Variants in SNRNP70 observed in about 807,000 individuals in gnomAD.
The protein encoded by SNRNP70 is small nuclear ribonucleoprotein U1 subunit 70.
SNRNP70 carries 8 observed loss-of-function variants against 50.5 expected under a neutral mutation model. The observed-to-expected ratio is 0.16, with a 90% CI of 0.09 to 0.29. The LOEUF (loss-of-function observed/expected upper bound fraction) is 0.29, where lower values mean the gene tolerates loss of function less well. Ranked by LOEUF, SNRNP70 falls within the 10% of genes least tolerant of loss-of-function variation. The pLI, the probability that SNRNP70 is intolerant of heterozygous loss-of-function variation, is 1.00. For synonymous variants in SNRNP70, 320 were observed against 252.9 expected, an observed-to-expected ratio of 1.27 and a Z score of -2.52; for missense variants, 529 against 663.5, an observed-to-expected ratio of 0.80 and a Z score of 2.23.
At chr19:49,098,867 C>T (rs542699333) in intron 6 of SNRNP70, among the ~76,000 whole-genome samples, 163 bp downstream of exon 6, 1 of 152,240 alleles carries the variant, frequency 6.6e-6, no homozygotes, top group African/African-American at 2.4e-5. Flanking sequence ...CCTTGGGCAG[C>T]AGAAGTAAAA....
At chr19:49,098,356 C>G (rs1021936171) in intron 4 of SNRNP70, 71 bp from the exon 5 acceptor site, 2 of 1,248,088 alleles carry the variant, frequency 1.6e-6, no homozygotes, top group Admixed American at 1.9e-5. Flanking sequence ...TGGCCTCTGC[C>G]CATCGTATTT....
intron 5 of SNRNP70, 43 bp downstream of exon 5, chr19:49,098,534 G>A (rs113251370): frequency 6.3e-7 from 1 of 1,599,652 alleles, no homozygotes; most frequent in Non-Finnish European, 8.6e-7. Flanking sequence ...ACGCTGCTGA[G>A]AGCCTGGGTC....
At chr19:49,087,043 C>T (rs1034271770) in intron 2 of SNRNP70, among the ~76,000 whole-genome samples, 2 of 151,662 alleles carry the variant, frequency 1.3e-5, no homozygotes, top group South Asian at 2.1e-4. Flanking sequence ...AAAAATTAGC[C>T]GGACATGGTG....
intron 4 of SNRNP70, among the ~76,000 whole-genome samples, chr19:49,096,723 C>T (rs1420860818): frequency 6.6e-6 from 1 of 151,696 alleles, no homozygotes; most frequent in Non-Finnish European, 1.5e-5. Flanking sequence ...GCCGAGATCT[C>T]GCCATCCATT....
At chr19:49,090,629 C>T in intron 4 of SNRNP70, 109 bp downstream of exon 4, 2 of 1,048,242 alleles carry the variant, frequency 1.9e-6, no homozygotes, top group Non-Finnish European at 2.9e-6. Context: ...TTGTGGGGAA[C>T]AGGGTTGTTA....
rs567789608 is a variant in SNRNP70 at position 49,107,047 on chromosome 19, G to A, written c.578-578G>A. Among the ~76,000 whole-genome samples, 2 of 152,280 alleles carry A rather than the reference G, an allele frequency of 1.3e-5. No individual in the cohort carries two copies. The highest frequency in any genetic ancestry group is 2.4e-5 in the African/African-American group (1 of 41,554). The stretch of plus-strand genomic sequence containing the variant: ...GTTCGGGCTAGCGTTAAGGGTGAGC[G>A]TGAGTTCACCAGAGAAGGAAGGGGA... On this transcript the variant is annotated intron_variant, in intron 8 of 9. Transcript: ENST00000598441. This position sits in a 1 kb window ranked among gnomAD's most constrained non-coding sequence, Gnocchi z 6.0.
At chr19:49,099,738 T>TAAAA (rs71179087) in intron 6 of SNRNP70, among the ~76,000 whole-genome samples, 68,528 of 138,018 alleles carry the variant, frequency 0.5, 16,769 homozygotes, top group South Asian at 0.58. Context: ...GACTCCATCT[T>TAAAA]AAAAAAAAAA....
chr19:49,100,781 G>A (rs2040573119), intron 6 of SNRNP70, among the ~76,000 whole-genome samples: 1 of 146,466 alleles, frequency 6.8e-6, no homozygotes, highest in African/African-American at 2.5e-5. Context: ...ACTCTAGCCT[G>A]GGCAACAGAG....
Position 49,098,631 on chromosome 19 carries a change from T to C in SNRNP70, c.331-11T>C. On this transcript the variant is annotated splice_polypyrimidine_tract_variant and intron_variant, in intron 5 of 9. Coordinates refer to ENST00000598441, the MANE Select transcript of SNRNP70 (RefSeq NM_003089.6). ...GTTCTCCCATTTAACGTCATATCCA[T>C]CTCCTTGTAGAATTATGACACAACA... The C allele has an allele frequency of 1.2e-6, 2 of 1,613,376 alleles. No homozygotes were observed.
Position 49,094,616 on chromosome 19 carries a change from C to A in SNRNP70, c.266-3811C>A, listed in dbSNP as rs1600278044. ...GCTCTGCCTCCATTAAATGCTTGAA[C>A]TTCTCCATAATAGAAAAGAAATAAA... On this transcript the variant is annotated intron_variant, in intron 4 of 9. Coordinates refer to ENST00000598441, the MANE Select transcript of SNRNP70 (RefSeq NM_003089.6). 1.3e-5 allele frequency among the ~76,000 whole-genome samples: 2 copies of A among 152,272 alleles called. 1 individual carries two copies. Among genetic ancestry groups the A allele is most frequent in the Admixed American group, 1.3e-4 (2 of 15,282 alleles).
chr19:49,097,479 G>C (rs2040527813), intron 4 of SNRNP70, among the ~76,000 whole-genome samples: 1 of 152,198 alleles, frequency 6.6e-6, no homozygotes, highest in African/African-American at 2.4e-5. Context: ...GTCATCACCA[G>C]GGTCTGATTT....
chr19:49,092,742 T>C (rs887945282), intron 4 of SNRNP70, among the ~76,000 whole-genome samples: 2 of 152,000 alleles, frequency 1.3e-5, no homozygotes, highest in Admixed American at 6.6e-5. Flanking sequence ...CCACATCCAC[T>C]GTGGGTCTTC....
intron 7 of SNRNP70, 53 bp downstream of exon 7, chr19:49,101,524 G>A (rs1298871369): frequency 3.9e-5 from 50 of 1,288,110 alleles, no homozygotes; most frequent in Admixed American, 1.4e-4. Context: ...CTTCTCTGCT[G>A]CCCCAGCCCC....
In SNRNP70 at chr19:49,104,765, CG is replaced by C; in HGVS notation, c.577+35del. On this transcript the variant is annotated intron_variant, in intron 8 of 9. Transcript: ENST00000598441. The surrounding 1 kb of genome is among the most constrained non-coding windows in gnomAD (Gnocchi z 5.4). ...GCACATCCTGCCTTCGACGGGCTCTCGGGGGCCCTGGGCCTGGTGGCCTTGT... is the reference window on the plus strand; with the variant it reads ...GCACATCCTGCCTTCGACGGGCTCTCGGGGCCCTGGGCCTGGTGGCCTTGT... 3.5e-6 allele frequency: 5 copies of C among 1,446,272 alleles called. No individual in the cohort carries two copies. Among genetic ancestry groups the C allele is most frequent in the African/African-American group, 1.4e-5 (1 of 70,418 alleles). The allele number at this position is 1,446,272 out of a possible 1,614,324, so 89.6% of individuals were successfully genotyped here.
chr19:49,097,565 T>G (rs1289610075), intron 4 of SNRNP70, among the ~76,000 whole-genome samples: 1 of 152,184 alleles, frequency 6.6e-6, no homozygotes, highest in South Asian at 2.1e-4. Flanking sequence ...TCTCATGCTC[T>G]CCCAGAATGT....
At chr19:49,090,836 T>C (rs539284182) in intron 4 of SNRNP70, among the ~76,000 whole-genome samples, 4 of 152,234 alleles carry the variant, frequency 2.6e-5, no homozygotes, top group East Asian at 3.9e-4. Flanking sequence ...GGGATAGTGG[T>C]CTGTCCTGGC....
chr19:49,099,122 A>G (rs111771011), intron 6 of SNRNP70, among the ~76,000 whole-genome samples: 6 of 152,244 alleles, frequency 3.9e-5, no homozygotes, highest in African/African-American at 1.4e-4. Flanking sequence ...TTGTTTTACC[A>G]ATCTTCTTTT....
intron 2 of SNRNP70, among the ~76,000 whole-genome samples, chr19:49,089,506 A>T (rs2040422311): frequency 6.6e-6 from 1 of 151,902 alleles, no homozygotes; most frequent in African/African-American, 2.4e-5. Context: ...AGAATAAAAG[A>T]CCAAATTTGT....
chr19:49,101,639 T>G, intron 7 of SNRNP70, 168 bp downstream of exon 7: 1 of 607,492 alleles, frequency 1.6e-6, no homozygotes, highest in Non-Finnish European at 2.9e-6. Flanking sequence ...ATATACGTGT[T>G]TTTTAAAAAA....
Sources: gnomAD v4.1 joint callset for allele counts (sites outside exome capture counted in the v4.1 genomes callset) on GRCh38, gnomAD v4.1.1 for gene constraint, Gnocchi (gnomAD v3.1) non-coding constraint, MANE v1.5 for transcripts, NCBI Gene and HGNC (gene_info 2026-07-23, HGNC 2026-07-21) for gene names.